CABLES1: variants seen among roughly 807,000 people sequenced by gnomAD.
CABLES1 encodes the protein CDK5 and ABL1 enzyme substrate 1.
Under a neutral mutation model 57.8 loss-of-function variants are expected in CABLES1, and 36 were observed. The observed-to-expected ratio is 0.62, with a 90% CI of 0.48 to 0.82. The LOEUF is 0.82. Ranked by LOEUF, CABLES1 falls within the 40% of genes least tolerant of loss-of-function variation. The pLI is 0.00. For synonymous variants in CABLES1, 374 were observed against 363.0 expected, an observed-to-expected ratio of 1.03 and a Z score of -0.35; for missense variants, 767 against 836.6, an observed-to-expected ratio of 0.92 and a Z score of 1.03.
Position 23,136,455 on chromosome 18 carries a change from G to C in CABLES1, c.693G>C (p.Gly231=). Residue 231 remains glycine, a synonymous_variant, in exon 1 of 10, where the codon GGG becomes GGC. Coordinates refer to ENST00000256925, the MANE Select transcript of CABLES1 (RefSeq NM_001100619.3). ...AAAFLGSGTP[G]SGSGSRGRLN... The stretch of plus-strand genomic sequence containing the variant: ...CCTTTTTGGGCTCCGGGACCCCCGG[G>C]AGTGGGAGCGGCAGTCGGGGACGCC... The C allele has an allele frequency of 6.2e-7, 1 of 1,604,634 alleles. No individual in the cohort carries two copies.
At chr18:23,216,948 A>G (rs1429405656) in intron 4 of CABLES1, among the ~76,000 whole-genome samples, 2 of 152,192 alleles carry the variant, frequency 1.3e-5, no homozygotes, top group African/African-American at 4.8e-5. Flanking sequence ...TTGGCCCTGG[A>G]CAGAGAAGCA....
At chr18:23,236,617 T>C (rs1473679604) in intron 6 of CABLES1, among the ~76,000 whole-genome samples, 1 of 152,220 alleles carries the variant, frequency 6.6e-6, no homozygotes, top group African/African-American at 2.4e-5. Flanking sequence ...TGAAGTTCCC[T>C]AGGTCTGCCC....
intron 7 of CABLES1, among the ~76,000 whole-genome samples, chr18:23,238,037 T>C (rs1293097870): frequency 6.6e-6 from 1 of 151,370 alleles, no homozygotes; most frequent in Non-Finnish European, 1.5e-5. Context: ...TCCCTGCGTT[T>C]TGCATGTCCT....
At chr18:23,224,230 C>T (rs554903299) in intron 4 of CABLES1, among the ~76,000 whole-genome samples, 3 of 150,584 alleles carry the variant, frequency 2.0e-5, no homozygotes, top group Non-Finnish European at 2.9e-5. Flanking sequence ...GGAATGGGCA[C>T]AAGTAGCCCA....
chr18:23,218,660 GCTCCCGCATCCTCACTTGCCCTGC>G (rs1568072694), intron 4 of CABLES1, among the ~76,000 whole-genome samples: 10 of 59,872 alleles, frequency 1.7e-4, no homozygotes, highest in South Asian at 6.4e-4. Flanking sequence ...ACTTGCCCTG[GCTCCCGCATCCTCACTTGCCCTGC>G]CTCCCACCAT....
intron 1 of CABLES1, among the ~76,000 whole-genome samples, chr18:23,161,572 G>T (rs979430530): frequency 6.7e-6 from 1 of 149,942 alleles, no homozygotes; most frequent in African/African-American, 2.5e-5. Context: ...GGAGTTTGAG[G>T]CCTAACATAC....
intron 3 of CABLES1, among the ~76,000 whole-genome samples, chr18:23,200,164 T>C (rs1021176812): frequency 6.6e-6 from 1 of 152,150 alleles, no homozygotes; most frequent in Non-Finnish European, 1.5e-5. Context: ...GAAATACAGA[T>C]GATCTTTAAA....
intron 8 of CABLES1, 46 bp downstream of exon 8, chr18:23,253,112 C>A: frequency 9.7e-7 from 1 of 1,030,374 alleles, no homozygotes; most frequent in South Asian, 1.3e-5. Context: ...GCAAACCCCT[C>A]TTTCCACACA....
At chr18:23,183,201 C>T (rs573284805) in intron 1 of CABLES1, among the ~76,000 whole-genome samples, 3 of 152,338 alleles carry the variant, frequency 2.0e-5, no homozygotes, top group African/African-American at 7.2e-5. Flanking sequence ...TCGGGCCTGC[C>T]TCTCCCAGTG....
Position 23,253,890 on chromosome 18 carries a change from A to G in CABLES1, c.1715A>G (p.Lys572Arg). The G allele has an allele frequency of 6.2e-7, 1 of 1,614,218 alleles. No homozygotes were observed. The highest frequency in any genetic ancestry group is 8.5e-7 in the Non-Finnish European group (1 of 1,180,046). ...GGGGCATGTGTGCTGTTAGCAGCCAAAATTGGAAGTGACCTCAAAAAACAC... is the reference window on the plus strand; with the variant it reads ...GGGGCATGTGTGCTGTTAGCAGCCAGAATTGGAAGTGACCTCAAAAAACAC... ...CAGACVLLAA[K>R]IGSDLKKHEV... The change falls in exon 9 of 10, where the codon AAA becomes AGA. Residue 572 changes from lysine (K) to arginine (R), a missense_variant. Transcript: ENST00000256925.
intron 1 of CABLES1, among the ~76,000 whole-genome samples, chr18:23,176,295 G>C (rs2096300657): frequency 6.6e-6 from 1 of 152,164 alleles, no homozygotes; most frequent in South Asian, 2.1e-4. Flanking sequence ...TTCTTAAAAG[G>C]AGTGTGCAAC....
intron 4 of CABLES1, among the ~76,000 whole-genome samples, chr18:23,225,293 T>C (rs2047520094): frequency 6.6e-6 from 1 of 152,258 alleles, no homozygotes; most frequent in Admixed American, 6.5e-5. Context: ...TCTGCTTTTA[T>C]TCAGTCTTTT....
At chr18:23,173,315 A>T (rs934219635) in intron 1 of CABLES1, among the ~76,000 whole-genome samples, 8 of 152,192 alleles carry the variant, frequency 5.3e-5, no homozygotes, top group Non-Finnish European at 1.2e-4. Context: ...TCTGTAACCC[A>T]CATTTGAAAG....
chr18:23,191,906 TAAAAAAAAAAAAAAAAAAAAAAAA>T (rs147984743), intron 2 of CABLES1, among the ~76,000 whole-genome samples: 1 of 82,636 alleles, frequency 1.2e-5, no homozygotes, highest in Non-Finnish European at 2.3e-5. Flanking sequence ...GTTGAATGCT[TAAAAAAAAAAAAAAAAAAAAAAAA>T]AAAAAAAAAA....
At chr18:23,207,811 G>T (rs2047375186) in intron 3 of CABLES1, among the ~76,000 whole-genome samples, 1 of 152,202 alleles carries the variant, frequency 6.6e-6, no homozygotes, top group Non-Finnish European at 1.5e-5. Flanking sequence ...CCTGCAGTAT[G>T]TCCTGTGGTA....
At chr18:23,183,538 G>A (rs933804229) in intron 1 of CABLES1, among the ~76,000 whole-genome samples, 1 of 152,236 alleles carries the variant, frequency 6.6e-6, no homozygotes, top group Admixed American at 6.5e-5. Context: ...TGAGCATTAA[G>A]CATGAACTCC....
At chr18:23,204,024 G>C (rs898931319) in intron 3 of CABLES1, among the ~76,000 whole-genome samples, 3 of 152,198 alleles carry the variant, frequency 2.0e-5, no homozygotes, top group African/African-American at 7.2e-5. Flanking sequence ...ACAGCCTGAA[G>C]ACGCCTCCAG....
intron 1 of CABLES1, among the ~76,000 whole-genome samples, chr18:23,161,455 G>T (rs896694196): frequency 2.0e-5 from 3 of 150,876 alleles, no homozygotes; most frequent in East Asian, 1.9e-4. Context: ...GACTCCCAGG[G>T]TGGGCTCCCT....
At chr18:23,223,354 C>T (rs1024797589) in intron 4 of CABLES1, among the ~76,000 whole-genome samples, 82 of 151,846 alleles carry the variant, frequency 5.4e-4, no homozygotes, top group Non-Finnish European at 2.5e-4. Context: ...CCGAGGCGGG[C>T]GAATCATGAG....
Sources: allele counts gnomAD v4.1 joint callset (sites outside exome capture counted in the v4.1 genomes callset), GRCh38; gene constraint gnomAD v4.1.1; transcripts MANE v1.5; gene names NCBI Gene and HGNC (gene_info 2026-07-23, HGNC 2026-07-21).